Variants in RBFOX3 observed in about 807,000 individuals in gnomAD.
The protein encoded by RBFOX3 is RNA binding fox-1 homolog 3, also known as RNA binding protein fox-1 homolog 3.
A neutral mutation model predicts 48.7 loss-of-function variants in RBFOX3; 17 were observed. The ratio of observed to expected loss-of-function variants is 0.35; its 90% CI spans 0.24 to 0.52. The LOEUF (loss-of-function observed/expected upper bound fraction) is 0.52. Ranked by LOEUF, RBFOX3 falls within the 20% of genes least tolerant of loss-of-function variation. The probability of loss-of-function intolerance (pLI) is 0.94; values close to 1 mark genes in which losing one functional copy is unlikely to be tolerated. For missense variants in RBFOX3, 382 were observed against 497.5 expected (o/e 0.77, Z 2.21); for synonymous variants, 212 against 209.5 (o/e 1.01, Z -0.10).
At chr17:79,638,843 G>A in the RBFOX3 span, among the ~76,000 whole-genome samples, 1 of 152,306 alleles carries the variant, frequency 6.6e-6, no homozygotes, top group East Asian at 1.9e-4. Context: ...TTCTACATGA[G>A]TGGCAGCAAC....
chr17:79,550,465 G>A (rs920235414), intron 1 of RBFOX3, among the ~76,000 whole-genome samples: 10 of 138,968 alleles, frequency 7.2e-5, no homozygotes, highest in South Asian at 2.4e-4. Flanking sequence ...ACACACACAC[G>A]TCTAGTACCC....
intron 2 of RBFOX3, among the ~76,000 whole-genome samples, chr17:79,308,885 G>A (rs1340750847): frequency 1.3e-5 from 2 of 152,088 alleles, no homozygotes; most frequent in Non-Finnish European, 2.9e-5. Flanking sequence ...TTGGGAAGCC[G>A]AGGCGGGGGG....
In RBFOX3 at chr17:79,190,562, G is replaced by A. The variant is rs573308061; in HGVS notation, c.-34+45204C>T. Among the ~76,000 whole-genome samples the A allele has an allele frequency of 4.6e-5, 7 of 152,248 alleles. No homozygotes were observed. In the South Asian group the frequency reaches 6.2e-4, roughly 14 times the overall value. On this transcript the variant is annotated intron_variant, in intron 4 of 14. Transcript: ENST00000693108. The stretch of plus-strand genomic sequence containing the variant: ...CAGACACCAAAGCCTTCAGAGACAC[G>A]TGCTCTCTTTTTTTTCCCCTTGAAG...
chr17:79,388,579 A>G (rs546050027), intron 2 of RBFOX3, among the ~76,000 whole-genome samples: 7 of 152,348 alleles, frequency 4.6e-5, no homozygotes, highest in African/African-American at 1.4e-4. Context: ...AGGGGATTTA[A>G]GCTGGCTCTG....
At chr17:79,642,693 C>T in the RBFOX3 span, among the ~76,000 whole-genome samples, 1 of 151,864 alleles carries the variant, frequency 6.6e-6, no homozygotes, top group African/African-American at 2.4e-5. Flanking sequence ...AAATGGAACA[C>T]TAAAACAAAC....
intron 1 of RBFOX3, among the ~76,000 whole-genome samples, chr17:79,505,253 C>T (rs2082929594): frequency 1.3e-5 from 2 of 152,162 alleles, no homozygotes; most frequent in Non-Finnish European, 2.9e-5. Flanking sequence ...GCCCACCACA[C>T]CCCCGCTTTA....
chr17:79,218,595 C>T (rs931215255), intron 4 of RBFOX3, among the ~76,000 whole-genome samples: 7 of 152,252 alleles, frequency 4.6e-5, no homozygotes, highest in East Asian at 1.9e-4. Context: ...TAACCAGAGA[C>T]GGAAGCCCCC....
intron 2 of RBFOX3, among the ~76,000 whole-genome samples, chr17:79,472,663 C>T (rs903570701): frequency 1.3e-5 from 2 of 152,180 alleles, no homozygotes; most frequent in Non-Finnish European, 1.5e-5. Context: ...GTTGTGTGAG[C>T]CCCCAGGCTG....
At chr17:79,126,394 C>A (rs115166160) in intron 4 of RBFOX3, among the ~76,000 whole-genome samples, 2 of 152,100 alleles carry the variant, frequency 1.3e-5, no homozygotes, top group Non-Finnish European at 2.9e-5. Context: ...CACCCCTGCC[C>A]GGCCCACAGC....
chr17:79,230,496 T>C (rs192209087), intron 4 of RBFOX3, among the ~76,000 whole-genome samples: 8,794 of 151,906 alleles, frequency 0.058, 321 homozygotes, highest in African/African-American at 0.1. Flanking sequence ...GCTGACCTCG[T>C]GATCCGCCCG....
At position 79,477,257 on chromosome 17, in the gene RBFOX3, TAAAAAA is replaced by T. The variant is rs138984353; in HGVS notation, c.-175+5191_-175+5196del. Among the ~76,000 whole-genome samples, 6 of 113,344 alleles carry T rather than the reference TAAAAAA, an allele frequency of 5.3e-5. No homozygotes were observed. Among genetic ancestry groups the T allele is most frequent in the Admixed American group, 9.6e-5 (1 of 10,450 alleles). 74.4% of individuals were successfully genotyped at this position (113,344 alleles called of 152,430 possible). On this transcript the variant is annotated intron_variant, in intron 2 of 14. Coordinates refer to ENST00000693108, the MANE Select transcript of RBFOX3 (RefSeq NM_001350451.2). This position sits in a 1 kb window ranked among gnomAD's most constrained non-coding sequence, Gnocchi z 4.8. ...CAAAAAAAAATAAATAAAGATAAAT[TAAAAAA>T]AAAAAAAAAAAAAGAGGGCGCGGTG...
At chr17:79,501,285 G>A (rs924126850) in intron 1 of RBFOX3, among the ~76,000 whole-genome samples, 3 of 152,228 alleles carry the variant, frequency 2.0e-5, no homozygotes, top group African/African-American at 4.8e-5. Flanking sequence ...CCATTCACTG[G>A]GCGGGCTCAG....
chr17:79,424,795 C>T (rs1164820732), intron 2 of RBFOX3, among the ~76,000 whole-genome samples: 1 of 152,174 alleles, frequency 6.6e-6, no homozygotes, highest in Non-Finnish European at 1.5e-5. Context: ...CAAACCTGGC[C>T]TGCCTGGACG....
At chr17:79,160,133 C>A (rs1406650716) in intron 4 of RBFOX3, among the ~76,000 whole-genome samples, 1 of 152,246 alleles carries the variant, frequency 6.6e-6, no homozygotes, top group Non-Finnish European at 1.5e-5. Flanking sequence ...CTCCTGAGAT[C>A]TGTGAGTAGA....
At position 79,299,868 on chromosome 17, in the gene RBFOX3, A is replaced by C. The variant is rs1354308208; in HGVS notation, c.-74+7856T>G. Among the ~76,000 whole-genome samples, 2 of 151,822 alleles carry C rather than the reference A, an allele frequency of 1.3e-5. No homozygotes were observed. Among genetic ancestry groups the C allele is most frequent in the Non-Finnish European group, 2.9e-5 (2 of 67,986 alleles). ...AGCATCTCTGTTTAGCCAGCTTCTC[A>C]GTACCCCACACAGGCCTCCAAAGGA... On this transcript the variant is annotated intron_variant, in intron 3 of 14. Transcript: ENST00000693108. This position sits in a 1 kb window ranked among gnomAD's most constrained non-coding sequence, Gnocchi z 4.5.
chr17:79,351,035 G>C (rs1438729299), intron 2 of RBFOX3, among the ~76,000 whole-genome samples: 1 of 152,190 alleles, frequency 6.6e-6, no homozygotes, highest in Non-Finnish European at 1.5e-5. Flanking sequence ...CTGTGCATCT[G>C]GCTGTTTCAC....
the RBFOX3 span, among the ~76,000 whole-genome samples, chr17:79,655,447 A>G: frequency 5.3e-5 from 8 of 152,220 alleles, no homozygotes; most frequent in Non-Finnish European, 8.8e-5. Flanking sequence ...CAACCAATGT[A>G]AGCTGTGACT....
intron 1 of RBFOX3, among the ~76,000 whole-genome samples, chr17:79,543,820 G>A (rs1568398376): frequency 6.6e-6 from 1 of 151,706 alleles, no homozygotes; most frequent in Non-Finnish European, 1.5e-5. Context: ...TGGTCAACCA[G>A]GAAAGACACA....
intron 3 of RBFOX3, among the ~76,000 whole-genome samples, chr17:79,296,563 G>A (rs1449083193): frequency 6.6e-6 from 1 of 152,034 alleles, no homozygotes; most frequent in Non-Finnish European, 1.5e-5. Context: ...GGGGAGCCGG[G>A]CTCCCAGGAA....
Sources: gnomAD v4.1 joint callset for allele counts (sites outside exome capture counted in the v4.1 genomes callset) on GRCh38, gnomAD v4.1.1 for gene constraint, Gnocchi (gnomAD v3.1) non-coding constraint, MANE v1.5 for transcripts, NCBI Gene and HGNC (gene_info 2026-07-23, HGNC 2026-07-21) for gene names.